ZNF365: variants seen among roughly 807,000 people sequenced by gnomAD.
ZNF365 encodes the protein protein ZNF365.
Under a neutral mutation model 35.0 loss-of-function variants are expected in ZNF365, and 22 were observed. That is an observed-to-expected ratio of 0.63 (90% confidence interval 0.45 to 0.90). The LOEUF (loss-of-function observed/expected upper bound fraction) is 0.90, where lower values mean the gene tolerates loss of function less well. Among genes scored for constraint, ZNF365 ranks in the 40% least tolerant of loss-of-function variants. The probability of loss-of-function intolerance (pLI) is 0.00; values close to 1 mark genes in which losing one functional copy is unlikely to be tolerated. For synonymous variants in ZNF365, 188 were observed against 196.2 expected, an observed-to-expected ratio of 0.96 and a Z score of 0.35; for missense variants, 448 against 500.3, an observed-to-expected ratio of 0.90 and a Z score of 1.00.
chr10:62,383,129 G>T (rs1465895522), intron 2 of ZNF365, among the ~76,000 whole-genome samples: 1 of 152,206 alleles, frequency 6.6e-6, no homozygotes, highest in Non-Finnish European at 1.5e-5. Context: ...TGATTTTCGA[G>T]TAGAGATATA....
intron 3 of ZNF365, among the ~76,000 whole-genome samples, chr10:62,459,099 G>A (rs1366039663): frequency 6.6e-6 from 1 of 152,206 alleles, no homozygotes; most frequent in African/African-American, 2.4e-5. Context: ...TATGCCAATA[G>A]TATTCAAAAT....
Position 62,402,125 on chromosome 10 carries a change from G to A in ZNF365, c.*2336G>A, listed in dbSNP as rs777826193. The A allele has an allele frequency of 4.4e-5, 43 of 985,824 alleles. No individual in the cohort carries two copies. Among genetic ancestry groups the A allele is most frequent in the African/African-American group, 1.4e-4 (8 of 57,222 alleles). 61.1% of individuals were successfully genotyped at this position (985,824 alleles called of 1,614,324 possible). The stretch of plus-strand genomic sequence containing the variant: ...AATATTTTCTTTGTCCACATGGGCC[G>A]TTGACCTTAGAGTTAAGGCGGTTGC... On this transcript the variant is annotated 3_prime_UTR_variant, in exon 5 of 5. Transcript: ENST00000395254.
At position 62,453,946 on chromosome 10, in the gene ZNF365, G is replaced by A. The variant is rs142484330; in HGVS notation, c.925-5795G>A. ...GATGCTGTGAAGGTTAAAAGAGTACGGATTCTAAAACTTGATTTCTTGGGT... is the reference window on the plus strand; with the variant it reads ...GATGCTGTGAAGGTTAAAAGAGTACAGATTCTAAAACTTGATTTCTTGGGT... On this transcript the variant is annotated intron_variant, in intron 3 of 4. Coordinates refer to the ZNF365 transcript ENST00000395255. Among the ~76,000 whole-genome samples the A allele has an allele frequency of 5.0e-3, 759 of 152,244 alleles. 5 individuals are homozygous for A. Among genetic ancestry groups the A allele is most frequent in the Non-Finnish European group, 7.5e-3 (511 of 68,020 alleles).
chr10:62,419,997 T>A (rs1564582600), intron 3 of ZNF365, among the ~76,000 whole-genome samples: 1 of 152,094 alleles, frequency 6.6e-6, no homozygotes, highest in Non-Finnish European at 1.5e-5. Flanking sequence ...TTTAGAGAGA[T>A]GTTTTCTCCT....
intron 3 of ZNF365, among the ~76,000 whole-genome samples, chr10:62,448,606 T>G (rs559773827): frequency 6.2e-4 from 95 of 152,322 alleles, no homozygotes; most frequent in Non-Finnish European, 1.0e-3. Flanking sequence ...TTAATTCTAA[T>G]TAATGCATTA....
At chr10:62,424,815 C>T (rs972582341) in intron 3 of ZNF365, among the ~76,000 whole-genome samples, 4 of 152,166 alleles carry the variant, frequency 2.6e-5, no homozygotes, top group African/African-American at 9.7e-5. Context: ...CTCAATTGTC[C>T]TAGAGTTACT....
chr10:62,431,861 C>CT (rs561284191), intron 3 of ZNF365, among the ~76,000 whole-genome samples: 121 of 144,218 alleles, frequency 8.4e-4, no homozygotes, highest in East Asian at 1.8e-3. Flanking sequence ...GTTTGTTTGC[C>CT]TTTTTTTTTT....
chr10:62,436,554 AG>A (rs1840410822), intron 3 of ZNF365, among the ~76,000 whole-genome samples: 1 of 152,244 alleles, frequency 6.6e-6, no homozygotes, highest in South Asian at 2.1e-4. Context: ...GTTGTTAATT[AG>A]GTTCATTATT....
chr10:62,390,893 A>T (rs1019751817), intron 3 of ZNF365, among the ~76,000 whole-genome samples: 4 of 152,208 alleles, frequency 2.6e-5, no homozygotes, highest in Admixed American at 1.3e-4. Flanking sequence ...TATGATATTT[A>T]AAAAAGGTAA....
At chr10:62,391,519 C>A in intron 3 of ZNF365, among the ~76,000 whole-genome samples, 1 of 152,214 alleles carries the variant, frequency 6.6e-6, no homozygotes, top group East Asian at 1.9e-4. Flanking sequence ...TCCTGAGTTA[C>A]CTCACTTAGA....
chr10:62,414,702 A>G (rs1345419050), intron 3 of ZNF365, among the ~76,000 whole-genome samples: 1 of 151,982 alleles, frequency 6.6e-6, no homozygotes, highest in Non-Finnish European at 1.5e-5. Flanking sequence ...TTTTATTATG[A>G]TGTGTTTAAG....
intron 4 of ZNF365, 58 bp from the exon 5 acceptor site, chr10:62,399,470 T>C: frequency 1.3e-6 from 2 of 1,585,714 alleles, no homozygotes; most frequent in Non-Finnish European, 1.7e-6. Context: ...TTTAAGGTTT[T>C]AAAGAAATCT....
Position 62,401,346 on chromosome 10 carries a change from T to C in ZNF365, c.*1557T>C, listed in dbSNP as rs1839825649. Reference sequence around the variant, plus strand: ...GATTGTTACTGCAATAAGCATCAAATTAGCAGCGCATTAAAAATAGGAAAT... The same window carrying C: ...GATTGTTACTGCAATAAGCATCAAACTAGCAGCGCATTAAAAATAGGAAAT... On this transcript the variant is annotated 3_prime_UTR_variant, in exon 5 of 5. Coordinates refer to ENST00000395254, the MANE Select transcript of ZNF365 (RefSeq NM_014951.3). 1.0e-6 allele frequency: 1 copy of C among 985,524 alleles called. No homozygotes were observed. The highest frequency in any genetic ancestry group is 1.1e-4 in the East Asian group (1 of 8,958). The allele number at this position is 985,524 out of a possible 1,614,324, so 61.0% of individuals were successfully genotyped here. A position where few individuals can be genotyped will look rare whatever the true frequency, so the allele number is the denominator to read the frequency against.
chr10:62,474,033 A>G (rs1442779329), intron 4 of ZNF365, among the ~76,000 whole-genome samples: 1 of 152,186 alleles, frequency 6.6e-6, no homozygotes, highest in Non-Finnish European at 1.5e-5. Context: ...ACATATTAAC[A>G]TTGAGAGAGG....
At chr10:62,382,812 G>A (rs1352487738) in intron 2 of ZNF365, among the ~76,000 whole-genome samples, 2 of 152,206 alleles carry the variant, frequency 1.3e-5, no homozygotes, top group African/African-American at 4.8e-5. Flanking sequence ...TGACGTTATG[G>A]TCTGTCTGAG....
intron 3 of ZNF365, among the ~76,000 whole-genome samples, chr10:62,410,420 G>C (rs1839968388): frequency 6.6e-6 from 1 of 152,068 alleles, no homozygotes; most frequent in African/African-American, 2.4e-5. Context: ...TGCAGGATTT[G>C]TTACACAGGT....
At chr10:62,467,018 T>C (rs1270800569) in intron 4 of ZNF365, among the ~76,000 whole-genome samples, 1 of 152,146 alleles carries the variant, frequency 6.6e-6, no homozygotes, top group East Asian at 1.9e-4. Context: ...AGACCATTAA[T>C]GAGAAAAACA....
chr10:62,478,892 G>A (rs1054434657), intron 4 of ZNF365, among the ~76,000 whole-genome samples: 2 of 152,194 alleles, frequency 1.3e-5, no homozygotes, highest in African/African-American at 2.4e-5. Flanking sequence ...CGTTTTTTAA[G>A]TCTTAAACAA....
At chr10:62,462,193 CCACA>C (rs145818588) in intron 4 of ZNF365, among the ~76,000 whole-genome samples, 1 of 150,980 alleles carries the variant, frequency 6.6e-6, no homozygotes, top group Non-Finnish European at 1.5e-5. Flanking sequence ...ACCTCCCCTC[CCACA>C]CACACACACA....
Sources: gnomAD v4.1 joint callset for allele counts (sites outside exome capture counted in the v4.1 genomes callset) on GRCh38, gnomAD v4.1.1 for gene constraint, MANE v1.5 for transcripts, NCBI Gene and HGNC (gene_info 2026-07-23, HGNC 2026-07-21) for gene names.